The following APBA2 variants were observed in gnomAD, a reference collection of about 807,000 sequenced individuals.
APBA2 encodes amyloid beta precursor protein binding family A member 2, also known as amyloid-beta A4 precursor protein-binding family A member 2.
In APBA2, 30 loss-of-function variants were observed where a neutral mutation model predicts 75.0. That is an observed-to-expected ratio of 0.40 (90% CI 0.30 to 0.54). The LOEUF (loss-of-function observed/expected upper bound fraction) is 0.54, where lower values mean the gene tolerates loss of function less well. Among genes scored for constraint, APBA2 ranks in the 20% least tolerant of loss-of-function variants. The pLI, the probability that APBA2 is intolerant of heterozygous loss-of-function variation, is 0.49. For synonymous variants in APBA2, 444 were observed against 409.6 expected (o/e 1.08, Z -1.01); for missense variants, 801 against 1,016.1 (o/e 0.79, Z 2.88).
At chr15:28,982,196 C>T (rs1367785709) in intron 2 of APBA2, among the ~76,000 whole-genome samples, 1 of 152,158 alleles carries the variant, frequency 6.6e-6, no homozygotes, top group Non-Finnish European at 1.5e-5. Flanking sequence ...TGGGCCTTCC[C>T]CGCCCCCCAC....
Position 28,969,128 on chromosome 15 carries a change from T to TTTCTTTCTTTCTTTCTTTC in APBA2, c.-94-26623_-94-26622insCTTTCTTTCTTTCTTTCTT, listed in dbSNP as rs1595597095. Among the ~76,000 whole-genome samples the TTTCTTTCTTTCTTTCTTTC allele has an allele frequency of 3.4e-4, 47 of 137,142 alleles. No homozygotes were observed. In the South Asian group the frequency reaches 3.5e-3, roughly 10 times the overall value. 90.0% of individuals were successfully genotyped at this position (137,142 alleles called of 152,430 possible). On this transcript the variant is annotated intron_variant, in intron 2 of 14. Coordinates refer to ENST00000683413, the MANE Select transcript of APBA2 (RefSeq NM_001353788.2). ...TACAAAAACCTTACCTTTCATTTCTTTTTCTTTCTTTCTTTCTTTCTTTCT... is the reference window on the plus strand; with the variant it reads ...TACAAAAACCTTACCTTTCATTTCTTTTCTTTCTTTCTTTCTTTCTTTCTTTCTTTCTTTCTTTCTTTCT...
chr15:29,065,804 G>C (rs556299459), intron 4 of APBA2, among the ~76,000 whole-genome samples: 1 of 152,296 alleles, frequency 6.6e-6, no homozygotes, highest in Non-Finnish European at 1.5e-5. Context: ...CCATGGTCCA[G>C]GCCTCCATCT....
intron 3 of APBA2, among the ~76,000 whole-genome samples, chr15:29,025,602 A>G (rs1158962951): frequency 6.6e-6 from 1 of 152,010 alleles, no homozygotes; most frequent in East Asian, 1.9e-4. Context: ...GGGCCTGCAT[A>G]CAGGGGAGAC....
chr15:29,017,612 C>CG (rs2039739526), intron 3 of APBA2, among the ~76,000 whole-genome samples: 1 of 152,050 alleles, frequency 6.6e-6, no homozygotes, highest in Non-Finnish European at 1.5e-5. Context: ...CTCAAGTGAT[C>CG]CGTCCACCCT....
chr15:29,062,445 G>C (rs1180518909), intron 4 of APBA2, among the ~76,000 whole-genome samples: 1 of 152,144 alleles, frequency 6.6e-6, no homozygotes, highest in Non-Finnish European at 1.5e-5. Flanking sequence ...AATCCTGGCT[G>C]GCTCCGCATG....
At chr15:29,076,140 C>G (rs141169179) in intron 6 of APBA2, 49 bp downstream of exon 6, 1 of 1,587,210 alleles carries the variant, frequency 6.3e-7, no homozygotes, top group Admixed American at 1.7e-5. Flanking sequence ...CATTTTACAT[C>G]AAAATAAATG....
chr15:28,979,643 G>T (rs1296367347), intron 2 of APBA2, among the ~76,000 whole-genome samples: 1 of 152,190 alleles, frequency 6.6e-6, no homozygotes, highest in Non-Finnish European at 1.5e-5. Flanking sequence ...TTCTGGCCTT[G>T]CAGAGTGCCC....
chr15:29,116,085 TAG>T (rs1000183956), intron 14 of APBA2, among the ~76,000 whole-genome samples: 22 of 150,114 alleles, frequency 1.5e-4, no homozygotes, highest in African/African-American at 5.2e-4. Flanking sequence ...AGCAGACGTT[TAG>T]AGTCTGCTCC....
intron 1 of APBA2, among the ~76,000 whole-genome samples, chr15:28,914,828 A>G (rs2033590975): frequency 6.6e-6 from 1 of 151,912 alleles, no homozygotes; most frequent in Non-Finnish European, 1.5e-5. Context: ...GCCACTCGCC[A>G]ACTGAGCCTG....
At chr15:29,070,793 C>G (rs1432056253) in intron 4 of APBA2, 10 of 277,724 alleles carry the variant, frequency 3.6e-5, no homozygotes, top group African/African-American at 2.2e-4. Context: ...GCCGCCCCTT[C>G]TGAGCTGGGT....
intron 2 of APBA2, among the ~76,000 whole-genome samples, chr15:28,923,651 A>C (rs555965863): frequency 1.6e-4 from 24 of 152,214 alleles, no homozygotes; most frequent in African/African-American, 5.5e-4. Flanking sequence ...CCCTCTTCTC[A>C]TATGGAACAC....
intron 3 of APBA2, among the ~76,000 whole-genome samples, chr15:29,024,445 T>C (rs532366252): frequency 5.9e-5 from 9 of 152,308 alleles, no homozygotes; most frequent in African/African-American, 2.2e-4. Context: ...GAGACAGCAC[T>C]GTGGGCCCTG....
At chr15:29,068,431 T>G (rs1265717225) in intron 4 of APBA2, among the ~76,000 whole-genome samples, 3 of 152,216 alleles carry the variant, frequency 2.0e-5, no homozygotes, top group African/African-American at 7.2e-5. Flanking sequence ...GCAGCACTGG[T>G]GGGTGACTCT....
intron 3 of APBA2, among the ~76,000 whole-genome samples, chr15:29,022,449 CT>C (rs1482164570): frequency 6.6e-6 from 1 of 152,056 alleles, no homozygotes; most frequent in Non-Finnish European, 1.5e-5. Context: ...TTAGAGTCAC[CT>C]ATTTTACAAT....
rs1595845703 is a variant in APBA2 at position 29,054,078 on chromosome 15, A to G, written c.194A>G (p.Asn65Ser). ...GCGCCAGAGGAACAGGAGTGCCACA[A>G]CCACAGCCCCGATGGGGACTCCAGC... ...SPAPEEQECH[N>S]HSPDGDSSSD... Residue 65 changes from asparagine to serine, a missense_variant, in exon 4 of 15, where the codon AAC (asparagine) becomes AGC (serine). Physicochemically the swap from Asn to Ser is conservative, Grantham distance 46. This residue lies in a region of APBA2 where 434 missense variants were observed against 471.6 expected (regional missense o/e 0.92). Transcript: ENST00000683413. This position sits in a 1 kb window ranked among gnomAD's most constrained non-coding sequence, Gnocchi z 6.1. 2 of 1,613,902 alleles carry G rather than the reference A, an allele frequency of 1.2e-6. No individual in the cohort carries two copies. The highest frequency in any genetic ancestry group is 2.7e-5 in the African/African-American group (2 of 74,940).
chr15:29,043,321 C>A (rs1205464574), intron 3 of APBA2, among the ~76,000 whole-genome samples: 6 of 152,126 alleles, frequency 3.9e-5, no homozygotes, highest in African/African-American at 1.4e-4. Flanking sequence ...ATATTGAATG[C>A]CCAGAAGGAA....
intron 2 of APBA2, among the ~76,000 whole-genome samples, chr15:28,947,916 A>G (rs1290168428): frequency 6.6e-6 from 1 of 152,230 alleles, no homozygotes; most frequent in Admixed American, 6.5e-5. Flanking sequence ...CAACTTATTT[A>G]TAAATAAAGC....
chr15:28,938,020 G>C (rs554760356), intron 2 of APBA2, among the ~76,000 whole-genome samples: 1 of 152,272 alleles, frequency 6.6e-6, no homozygotes, highest in South Asian at 2.1e-4. Context: ...GCTCCAGCCA[G>C]TCCTGTGGCC....
Position 28,984,258 on chromosome 15 carries a change from G to A in APBA2, c.-94-11495G>A, listed in dbSNP as rs184634179. On this transcript the variant is annotated intron_variant, in intron 2 of 14. Transcript: ENST00000683413. The stretch of plus-strand genomic sequence containing the variant: ...GGGGAGTGAGGGCAGGGGGAGCTGC[G>A]GAGGCAGGGCTCTGAGGGCTTTAGA... Among the ~76,000 whole-genome samples, 435 of 151,708 alleles carry A rather than the reference G, an allele frequency of 2.9e-3. 3 individuals are homozygous for A. Among genetic ancestry groups the A allele is most frequent in the African/African-American group, 9.4e-3 (391 of 41,390 alleles).
Sources: allele counts gnomAD v4.1 joint callset (sites outside exome capture counted in the v4.1 genomes callset), GRCh38; gene constraint gnomAD v4.1.1; regional missense constraint gnomAD v4.1.1; non-coding constraint Gnocchi (gnomAD v3.1); transcripts MANE v1.5; gene names NCBI Gene and HGNC (gene_info 2026-07-23, HGNC 2026-07-21).